Variants in ETNK2 observed in about 807,000 individuals in gnomAD.
ETNK2 encodes ethanolamine kinase 2.
A neutral mutation model predicts 46.2 loss-of-function variants in ETNK2; 33 were observed. The observed-to-expected ratio is 0.71, with a 90% confidence interval of 0.54 to 0.96. The LOEUF (loss-of-function observed/expected upper bound fraction) is 0.96, where lower values mean the gene tolerates loss of function less well. ETNK2 is among the 40% of genes least tolerant of loss of function. The pLI, the probability that ETNK2 is intolerant of heterozygous loss-of-function variation, is 0.00. For synonymous variants in ETNK2, 194 were observed against 209.0 expected (o/e 0.93, Z 0.62); for missense variants, 445 against 509.7 (o/e 0.87, Z 1.22).
chr1:204,134,730 C>T (rs772970841), intron 6 of ETNK2, 142 bp from the exon 7 acceptor site: 2 of 1,569,930 alleles, frequency 1.3e-6, no homozygotes, highest in Admixed American at 3.9e-5. Flanking sequence ...CTAGCACAAG[C>T]TGGGGAAATT....
Position 204,137,206 on chromosome 1 carries a change from G to A in ETNK2, c.912C>T (p.Thr304=), listed in dbSNP as rs766839183. The change falls in exon 6 of 8, where the codon ACC becomes ACT. Residue 304 remains threonine (T), a synonymous_variant. Transcript: ENST00000367202. ...VDYCLYPARE[T]QLQWLHYYLQ... Reference sequence around the variant, plus strand: ...GGTAGTAGTGCAGCCACTGCAGCTGGGTCTCCCGCGCCGGGTACAGGCAGT... The same window carrying A: ...GGTAGTAGTGCAGCCACTGCAGCTGAGTCTCCCGCGCCGGGTACAGGCAGT... 6.2e-7 allele frequency: 1 copy of A among 1,613,924 alleles called. No individual in the cohort carries two copies. The highest frequency in any genetic ancestry group is 8.5e-7 in the Non-Finnish European group (1 of 1,179,840).
rs972106298 is a variant in ETNK2 at position 204,139,215 on chromosome 1, G to A, written c.868+820C>T. ...TAGATGACTCTCATCAGGCCACCAG[G>A]CAAACAGCTACTTGTAGCTTGTTCT... On this transcript the variant is annotated intron_variant, in intron 5 of 7. Coordinates refer to ENST00000367202, the MANE Select transcript of ETNK2 (RefSeq NM_018208.4). 1.3e-5 allele frequency among the ~76,000 whole-genome samples: 2 copies of A among 152,180 alleles called. 1 individual carries two copies. Among genetic ancestry groups the A allele is most frequent in the Non-Finnish European group, 2.9e-5 (2 of 68,026 alleles).
intron 6 of ETNK2, among the ~76,000 whole-genome samples, chr1:204,136,403 G>GTATATATATATATATATATATATATATA (rs35373627): frequency 2.9e-5 from 4 of 139,818 alleles, no homozygotes; most frequent in African/African-American, 1.1e-4. Flanking sequence ...CTCAAAAAAA[G>GTATATATATATATATATATATATATATA]TATATATATA....
intron 2 of ETNK2, chr1:204,147,445 G>A: frequency 1.9e-6 from 1 of 533,392 alleles, no homozygotes; most frequent in Non-Finnish European, 3.8e-6. Flanking sequence ...AGGTGGGGGT[G>A]AATGGAAAAC....
intron 1 of ETNK2, among the ~76,000 whole-genome samples, chr1:204,150,189 C>G (rs944739033): frequency 5.9e-5 from 9 of 152,188 alleles, no homozygotes; most frequent in Admixed American, 4.6e-4. Flanking sequence ...TTGGGTTTAG[C>G]TCCCACACAC....
At chr1:204,136,403 G>GTA (rs35373627) in intron 6 of ETNK2, among the ~76,000 whole-genome samples, 22,117 of 139,442 alleles carry the variant, frequency 0.16, 2,063 homozygotes, top group Non-Finnish European at 0.23. Context: ...CTCAAAAAAA[G>GTA]TATATATATA....
At chr1:204,140,306 C>CCATT (rs1346554817) in intron 4 of ETNK2, among the ~76,000 whole-genome samples, 188 bp from the exon 5 acceptor site, 1 of 151,996 alleles carries the variant, frequency 6.6e-6, no homozygotes, top group African/African-American at 2.4e-5. Flanking sequence ...ATCCATCCAT[C>CCATT]CATCCATCCA....
Position 204,141,462 on chromosome 1 carries a change from G to T in ETNK2, c.642-5C>A. The T allele has an allele frequency of 6.3e-7, 1 of 1,574,854 alleles. No homozygotes were observed. The highest frequency in any genetic ancestry group is 1.2e-5 in the South Asian group (1 of 86,258). ...TTAGGGACATCTGCAGAAAGGCTGG[G>T]CAGTGGCAAAAAAGGTAGCCAGTGA... On this transcript the variant is annotated splice_region_variant and splice_polypyrimidine_tract_variant and intron_variant, in intron 3 of 7. Coordinates refer to ENST00000367202, the MANE Select transcript of ETNK2 (RefSeq NM_018208.4).
chr1:204,146,745 C>T lies in ETNK2; in HGVS notation c.538G>A (p.Ala180Thr), dbSNP rs370629139. ...RLFRLIALEM[A>T]KIHTIHANGS... is the part of the protein sequence containing the mutation. ...TTGGCGTGGATAGTATGAATCTTTG[C>T]CATTTCTAAGGCGATTAACCTACAG... The change falls in exon 3 of 8, where the codon GCA (alanine) becomes ACA (threonine). Residue 180 changes from alanine to threonine, a missense_variant. Physicochemically the swap from Ala to Thr is moderately conservative, Grantham distance 58 (BLOSUM62 0). Coordinates refer to ENST00000367202, the MANE Select transcript of ETNK2 (RefSeq NM_018208.4). 1.3e-5 allele frequency: 21 copies of T among 1,613,892 alleles called. No individual in the cohort carries two copies. The highest frequency in any genetic ancestry group is 1.7e-5 in the Non-Finnish European group (20 of 1,179,898).
chr1:204,132,270 AGAAGGAAGCTGGGTGTGAG>A lies in ETNK2; in HGVS notation c.1089-33_1089-15del, dbSNP rs1571604476. ...ATCACTGCGTACCTGTGGGGAAGACAGAAGGAAGCTGGGTGTGAGGAAGAAAGCCAGGTGGGCCCTGCTG... is the reference window on the plus strand; with the variant it reads ...ATCACTGCGTACCTGTGGGGAAGACAGAAGAAAGCCAGGTGGGCCCTGCTG... On this transcript the variant is annotated splice_polypyrimidine_tract_variant and intron_variant, in intron 7 of 7. Transcript: ENST00000367202. The A allele has an allele frequency of 1.3e-6, 2 of 1,562,456 alleles. No individual in the cohort carries two copies. Among genetic ancestry groups the A allele is most frequent in the Non-Finnish European group, 1.7e-6 (2 of 1,152,696 alleles).
chr1:204,149,726 G>A lies in ETNK2; in HGVS notation c.495C>T (p.His165=), dbSNP rs576441238. 1.8e-4 allele frequency: 290 copies of A among 1,595,960 alleles called. No homozygotes were observed. Among genetic ancestry groups the A allele is most frequent in the Non-Finnish European group, 3.8e-5 (44 of 1,171,754 alleles). The change falls in exon 2 of 8, where the codon CAC becomes CAT. Residue 165 remains histidine (H), a synonymous_variant. Transcript: ENST00000367202. Reference sequence around the variant, plus strand: ...ACCTGAAAAGCCGGGGCTCACGGATGTGCTCAGGCTCCAGGGCCACACCCT... The same window carrying A: ...ACCTGAAAAGCCGGGGCTCACGGATATGCTCAGGCTCCAGGGCCACACCCT... The part of the protein sequence containing the change: ...YMQGVALEPE[H]IREPRLFRLI...
chr1:204,144,045 A>G (rs1189692769), intron 3 of ETNK2, among the ~76,000 whole-genome samples: 1 of 152,048 alleles, frequency 6.6e-6, no homozygotes, highest in Non-Finnish European at 1.5e-5. Context: ...TGGGGTGCCT[A>G]TCAAAATGTA....
intron 5 of ETNK2, chr1:204,138,526 G>A (rs936813812): frequency 2.0e-5 from 3 of 152,366 alleles, no homozygotes; most frequent in African/African-American, 7.2e-5. Context: ...GCCACACCCC[G>A]AGGCTCAGCT....
chr1:204,152,004 C>CCCACCGCCGA lies in ETNK2; in HGVS notation c.-162_-153dup. 1.2e-6 allele frequency: 1 copy of CCCACCGCCGA among 816,048 alleles called. No individual in the cohort carries two copies. Among genetic ancestry groups the CCCACCGCCGA allele is most frequent in the Non-Finnish European group, 1.6e-6 (1 of 606,386 alleles). 50.6% of individuals were successfully genotyped at this position (816,048 alleles called of 1,614,324 possible). On this transcript the variant is annotated 5_prime_UTR_variant, in exon 1 of 8. Coordinates refer to ENST00000367202, the MANE Select transcript of ETNK2 (RefSeq NM_018208.4). This position sits in a 1 kb window ranked among gnomAD's most constrained non-coding sequence, Gnocchi z 4.2. Reference sequence around the variant, plus strand: ...TCGATCGCCGGCTCGCGGCCCGCCGCCCACCGCCGACCCCGGAGCGCCGCG... The same window carrying CCCACCGCCGA: ...TCGATCGCCGGCTCGCGGCCCGCCGCCCACCGCCGACCACCGCCGACCCCGGAGCGCCGCG...
chr1:204,137,814 C>T (rs1468218937), intron 5 of ETNK2, among the ~76,000 whole-genome samples: 1 of 152,164 alleles, frequency 6.6e-6, no homozygotes, highest in Non-Finnish European at 1.5e-5. Flanking sequence ...TCCAGTTCCC[C>T]AGATGGCTCT....
chr1:204,141,711 A>C (rs1345649778), intron 3 of ETNK2: 1 of 495,058 alleles, frequency 2.0e-6, no homozygotes, highest in Non-Finnish European at 3.6e-6. Flanking sequence ...AGAGCATAAA[A>C]GTCACTGACT....
chr1:204,137,448 G>C (rs1273019392), intron 5 of ETNK2, among the ~76,000 whole-genome samples, 199 bp from the exon 6 acceptor site: 1 of 152,148 alleles, frequency 6.6e-6, no homozygotes, highest in Non-Finnish European at 1.5e-5. Context: ...ATCCCAGCTA[G>C]GAGCACTGTT....
In ETNK2 at chr1:204,149,713, G is replaced by A. The variant is rs762532276; in HGVS notation, c.508C>T (p.Arg170Trp). Residue 170 changes from arginine to tryptophan, a missense_variant, in exon 2 of 8, where the codon CGG becomes TGG. Transcript: ENST00000367202. ...ALEPEHIREP[R>W]LFRLIALEMA... ...TGGCACCCTCCTCACCTGAAAAGCC[G>A]GGGCTCACGGATGTGCTCAGGCTCC... 134 of 1,588,346 alleles carry A rather than the reference G, an allele frequency of 8.4e-5. No individual in the cohort carries two copies. The highest frequency in any genetic ancestry group is 1.0e-4 in the Non-Finnish European group (118 of 1,167,686).
chr1:204,141,446 T>C lies in ETNK2; in HGVS notation c.653A>G (p.Asp218Gly), dbSNP rs373228420. The C allele has an allele frequency of 6.9e-6, 11 of 1,595,334 alleles. No homozygotes were observed. The highest frequency in any genetic ancestry group is 8.5e-6 in the Non-Finnish European group (10 of 1,170,816). ...KNEINPSLSA[D>G]VPKVEVLERE... The stretch of plus-strand genomic sequence containing the variant: ...TTCCAACACCTCTACCTTAGGGACA[T>C]CTGCAGAAAGGCTGGGCAGTGGCAA... The change falls in exon 4 of 8, where the codon GAT becomes GGT. Residue 218 changes from aspartate to glycine, a missense_variant. Asp to Gly is a moderately conservative substitution (Grantham distance 94, BLOSUM62 -1). Coordinates refer to ENST00000367202, the MANE Select transcript of ETNK2 (RefSeq NM_018208.4).
Sources: allele counts gnomAD v4.1 joint callset (sites outside exome capture counted in the v4.1 genomes callset), GRCh38; gene constraint gnomAD v4.1.1; non-coding constraint Gnocchi (gnomAD v3.1); transcripts MANE v1.5; gene names NCBI Gene and HGNC (gene_info 2026-07-23, HGNC 2026-07-21).